Variants in EHD4 observed in about 807,000 individuals in gnomAD.
EHD4 encodes the protein EH domain containing 4.
Under a neutral mutation model 51.0 loss-of-function variants are expected in EHD4, and 37 were observed. The observed-to-expected ratio is 0.73, with a 90% confidence interval of 0.56 to 0.95. EHD4 has a LOEUF of 0.95. Ranked by LOEUF, EHD4 falls within the 40% of genes least tolerant of loss-of-function variation. The pLI is 0.00. For missense variants in EHD4, 632 were observed against 733.1 expected, an observed-to-expected ratio of 0.86 and a Z score of 1.59; for synonymous variants, 297 against 317.3, an observed-to-expected ratio of 0.94 and a Z score of 0.68.
chr15:41,949,016 C>CTATA lies in EHD4; in HGVS notation c.413+4744_413+4747dup, dbSNP rs3035677. ...CTCCAGCCTGGGCAACAGAGTGAGA[C>CTATA]TATATATATATATATATATATATAT... On this transcript the variant is annotated intron_variant, in intron 2 of 5. Transcript: ENST00000220325. Among the ~76,000 whole-genome samples, 784 of 92,380 alleles carry CTATA rather than the reference C, an allele frequency of 8.5e-3. 13 individuals are homozygous for CTATA. The highest frequency in any genetic ancestry group is 0.035 in the South Asian group (58 of 1,658). The allele number at this position is 92,380 out of a possible 152,430, so 60.6% of individuals were successfully genotyped here.
intron 2 of EHD4, among the ~76,000 whole-genome samples, chr15:41,943,728 G>A (rs2067792925): frequency 6.6e-6 from 1 of 152,236 alleles, no homozygotes; most frequent in Non-Finnish European, 1.5e-5. Context: ...GGCCCACTGG[G>A]CTGGAGAGCC....
At chr15:41,968,872 T>C (rs1160648445) in intron 1 of EHD4, among the ~76,000 whole-genome samples, 2 of 152,222 alleles carry the variant, frequency 1.3e-5, no homozygotes, top group Non-Finnish European at 2.9e-5. Flanking sequence ...GCAACCAATA[T>C]CATTATCCAA....
chr15:41,953,710 T>G, intron 2 of EHD4, 54 bp downstream of exon 2: 1 of 1,520,292 alleles, frequency 6.6e-7, no homozygotes, highest in Non-Finnish European at 8.8e-7. Context: ...TGGCAGTAAT[T>G]CAAAGAAAAG....
At chr15:41,918,686 G>C (rs926736797) in intron 4 of EHD4, among the ~76,000 whole-genome samples, 3 of 152,206 alleles carry the variant, frequency 2.0e-5, no homozygotes, top group African/African-American at 7.2e-5. Context: ...CCCAAAACCA[G>C]CACACTCCAA....
chr15:41,928,493 T>C (rs1044535437), intron 3 of EHD4: 4 of 152,360 alleles, frequency 2.6e-5, no homozygotes, highest in Admixed American at 6.5e-5. Context: ...TGTACCAGGA[T>C]GGTAGAATCA....
chr15:41,903,523 T>C (rs969003104), intron 5 of EHD4, among the ~76,000 whole-genome samples: 6 of 151,534 alleles, frequency 4.0e-5, no homozygotes, highest in African/African-American at 1.2e-4. Context: ...ACAAATAATA[T>C]GTCATATATT....
At chr15:41,903,970 G>A (rs1316651002) in intron 5 of EHD4, among the ~76,000 whole-genome samples, 1 of 151,192 alleles carries the variant, frequency 6.6e-6, no homozygotes, top group African/African-American at 2.4e-5. Flanking sequence ...CCTGCACTTC[G>A]GGCTCCTGCC....
chr15:41,915,230 C>A (rs1025023800), intron 4 of EHD4, among the ~76,000 whole-genome samples: 1 of 152,008 alleles, frequency 6.6e-6, no homozygotes, highest in Non-Finnish European at 1.5e-5. Context: ...TAGAGAAAAA[C>A]TGTCATTTTG....
At position 41,900,628 on chromosome 15, in the gene EHD4, G is replaced by A. The variant is rs200600029; in HGVS notation, c.*17C>T. ...GCCCAGGTCCCCCAGTTCCCACCCC[G>A]TTCTGCAGCCCACCCCTCAGTCGGC... On this transcript the variant is annotated 3_prime_UTR_variant, in exon 6 of 6. Coordinates refer to ENST00000220325, the MANE Select transcript of EHD4 (RefSeq NM_139265.4). This position sits in a 1 kb window ranked among gnomAD's most constrained non-coding sequence, Gnocchi z 4.8. The A allele has an allele frequency of 1.9e-4, 292 of 1,563,910 alleles. No individual in the cohort carries two copies. In the African/African-American group the frequency reaches 3.2e-3, roughly 17 times the overall value.
chr15:41,934,669 C>T (rs908879872), intron 3 of EHD4, among the ~76,000 whole-genome samples: 2 of 152,136 alleles, frequency 1.3e-5, no homozygotes, highest in African/African-American at 4.8e-5. Flanking sequence ...CTGGGGCTCA[C>T]CGTGCTAGTC....
At chr15:41,960,823 G>A (rs563302692) in intron 1 of EHD4, among the ~76,000 whole-genome samples, 30 of 152,020 alleles carry the variant, frequency 2.0e-4, no homozygotes, top group Middle Eastern at 3.4e-3. Context: ...ACAGGCGTCC[G>A]CCACACACTG....
At position 41,972,357 on chromosome 15, in the gene EHD4, G is replaced by GTGGAAGCGGTACGCC; in HGVS notation, c.123_137dup (p.Phe45_His46insGlnAlaTyrArgPhe). 1 of 1,611,346 alleles carries GTGGAAGCGGTACGCC rather than the reference G, an allele frequency of 6.2e-7. No individual in the cohort carries two copies. Among genetic ancestry groups the GTGGAAGCGGTACGCC allele is most frequent in the Non-Finnish European group, 8.5e-7 (1 of 1,178,860 alleles). On this transcript the variant is annotated inframe_insertion, in exon 1 of 6. Coordinates refer to ENST00000220325, the MANE Select transcript of EHD4 (RefSeq NM_139265.4). The stretch of plus-strand genomic sequence containing the variant: ...CCTCCAGCGCAGGCGAGTGGAACTC[G>GTGGAAGCGGTACGCC]TGGAAGCGGTACGCCTCCTCCAGCG...
intron 2 of EHD4, among the ~76,000 whole-genome samples, chr15:41,946,389 G>C (rs1200782641): frequency 6.6e-6 from 1 of 152,162 alleles, no homozygotes; most frequent in Non-Finnish European, 1.5e-5. Flanking sequence ...TAATGGTCCA[G>C]GCTATGAGGT....
rs776861009 is a variant in EHD4 at position 41,909,879 on chromosome 15, T to A, written c.925-16A>T. The A allele has an allele frequency of 6.2e-7, 1 of 1,614,014 alleles. No individual in the cohort carries two copies. The highest frequency in any genetic ancestry group is 8.5e-7 in the Non-Finnish European group (1 of 1,179,930). ...AGGCATGCACCTGGAGGGGTATAGA[T>A]CAGGCAGGGAAGTGTCATTTAGAAT... On this transcript the variant is annotated splice_polypyrimidine_tract_variant and intron_variant, in intron 4 of 5. Coordinates refer to ENST00000220325, the MANE Select transcript of EHD4 (RefSeq NM_139265.4).
chr15:41,956,633 A>G (rs1614205), intron 1 of EHD4, among the ~76,000 whole-genome samples: 5,827 of 152,322 alleles, frequency 0.038, 387 homozygotes, highest in African/African-American at 0.13. Flanking sequence ...CCTACTGGAC[A>G]GACCTTTAAC....
rs1406132343 is a variant in EHD4, at chr15:41,895,995, G to T, written c.*4650C>A. ...TATTTAATTCTTTTTTAGAGACAGGGTCTTCTTAGGTTGCCCAGGCTGGTC... is the reference window on the plus strand; with the variant it reads ...TATTTAATTCTTTTTTAGAGACAGGTTCTTCTTAGGTTGCCCAGGCTGGTC... On this transcript the variant is annotated 3_prime_UTR_variant, in exon 6 of 6. Transcript: ENST00000220325. 6.6e-6 allele frequency: 1 copy of T among 152,052 alleles called. No individual in the cohort carries two copies. Among genetic ancestry groups the T allele is most frequent in the Non-Finnish European group, 1.5e-5 (1 of 68,022 alleles). 9.4% of individuals were successfully genotyped at this position (152,052 alleles called of 1,614,324 possible). A position where few individuals can be genotyped will look rare whatever the true frequency, so the allele number is the denominator to read the frequency against.
chr15:41,948,368 G>T (rs1457908453), intron 2 of EHD4, among the ~76,000 whole-genome samples: 4 of 152,050 alleles, frequency 2.6e-5, no homozygotes, highest in Non-Finnish European at 4.4e-5. Context: ...ATGTTGCCCA[G>T]GTTGGTCTCA....
chr15:41,930,240 T>A (rs188613880), intron 3 of EHD4, among the ~76,000 whole-genome samples: 3 of 152,232 alleles, frequency 2.0e-5, no homozygotes, highest in African/African-American at 7.2e-5. Context: ...GATCCAGGAA[T>A]CCCGTGTCAC....
chr15:41,943,246 G>T (rs2067788778), intron 2 of EHD4, 82 bp from the exon 3 acceptor site: 2 of 1,071,162 alleles, frequency 1.9e-6, no homozygotes, highest in African/African-American at 1.6e-5. Flanking sequence ...GCCTCTCTGG[G>T]CTTACTGACA....
Sources: gnomAD v4.1 joint callset for allele counts (sites outside exome capture counted in the v4.1 genomes callset) on GRCh38, gnomAD v4.1.1 for gene constraint, Gnocchi (gnomAD v3.1) non-coding constraint, MANE v1.5 for transcripts, NCBI Gene and HGNC (gene_info 2026-07-23, HGNC 2026-07-21) for gene names.